FMNL1: variants seen among roughly 807,000 people sequenced by gnomAD.
FMNL1 encodes formin-like protein 1.
In FMNL1, 43 loss-of-function variants were observed where a neutral mutation model predicts 121.3. The observed-to-expected ratio is 0.35, with a 90% CI of 0.28 to 0.46. FMNL1 has a LOEUF of 0.46. Ranked by LOEUF, FMNL1 falls within the 20% of genes least tolerant of loss-of-function variation. The pLI is 1.00. For missense variants in FMNL1, 1,191 were observed against 1,482.4 expected, an observed-to-expected ratio of 0.80 and a Z score of 3.23; for synonymous variants, 613 against 613.5, an observed-to-expected ratio of 1.00 and a Z score of 0.01.
At chr17:45,229,396 T>C (rs9893052) in intron 1 of FMNL1, among the ~76,000 whole-genome samples, 50,989 of 151,832 alleles carry the variant, frequency 0.34, 10,260 homozygotes, top group African/African-American at 0.54. Flanking sequence ...GGCTGGGGAG[T>C]CTCAGGTGGG....
At chr17:45,246,771 T>A (rs2043847461) in intron 26 of FMNL1, 96 bp from the exon 27 acceptor site, 1 of 732,014 alleles carries the variant, frequency 1.4e-6, no homozygotes, top group South Asian at 1.6e-5. Flanking sequence ...GTGCACACAA[T>A]CTGAGTCCTT....
Position 45,233,563 on chromosome 17 carries a change from C to T in FMNL1, c.402-85C>T. On this transcript the variant is annotated intron_variant, in intron 4 of 26. Coordinates refer to ENST00000331495, the MANE Select transcript of FMNL1 (RefSeq NM_005892.4). This position sits in a 1 kb window ranked among gnomAD's most constrained non-coding sequence, Gnocchi z 4.1. ...GTCTTTGGGGGTTGAAAGGGCACCCCAGGGGTCCTTGCTGTCCCTGTTCTG... is the reference window on the plus strand; with the variant it reads ...GTCTTTGGGGGTTGAAAGGGCACCCTAGGGGTCCTTGCTGTCCCTGTTCTG... 1 of 1,516,092 alleles carries T rather than the reference C, an allele frequency of 6.6e-7. No individual in the cohort carries two copies. The highest frequency in any genetic ancestry group is 9.1e-7 in the Non-Finnish European group (1 of 1,099,556). The allele number at this position is 1,516,092 out of a possible 1,614,324, so 93.9% of individuals were successfully genotyped here.
rs2043446465 is a variant in FMNL1, at chr17:45,231,922, C to T, written c.214-445C>T. 6.6e-6 allele frequency among the ~76,000 whole-genome samples: 1 copy of T among 152,172 alleles called. No individual in the cohort carries two copies. Among genetic ancestry groups the T allele is most frequent in the Admixed American group, 6.5e-5 (1 of 15,286 alleles). On this transcript the variant is annotated intron_variant, in intron 2 of 26. Transcript: ENST00000331495. This position sits in a 1 kb window ranked among gnomAD's most constrained non-coding sequence, Gnocchi z 4.7. ...GGGCGGGGCCTACGGCAGGACTGAC[C>T]CCTGCATAGTCCACCCCAAAGCTGT... is the stretch of plus-strand genomic sequence containing the variant.
In FMNL1 at chr17:45,246,543, C is replaced by T; in HGVS notation, c.3250C>T (p.Arg1084Trp). Residue 1084 changes from arginine to tryptophan, a missense_variant, in exon 26 of 27, where the codon CGG (arginine) becomes TGG (tryptophan). This residue lies in a region of FMNL1 where 367 missense variants were observed against 528.6 expected (regional missense o/e 0.69). Transcript: ENST00000331495. ...TVPFTARTGK[R>W]TSRLLCEASL... ...GCCCTTCACGGCCCGCACCGGCAAG[C>T]GGACATCCCGGCTCCTCTGTGAGGC... The T allele has an allele frequency of 1.9e-6, 3 of 1,613,740 alleles. No homozygotes were observed. The highest frequency in any genetic ancestry group is 2.5e-6 in the Non-Finnish European group (3 of 1,179,666).
At chr17:45,232,325 A>G (rs1219475928) in intron 2 of FMNL1, 42 bp from the exon 3 acceptor site, 1 of 1,573,386 alleles carries the variant, frequency 6.4e-7, no homozygotes, top group Admixed American at 1.7e-5. Flanking sequence ...GCCCTGGGGT[A>G]GCTCTGGCTG....
intron 1 of FMNL1, among the ~76,000 whole-genome samples, chr17:45,227,785 G>A (rs1376420642): frequency 1.3e-5 from 2 of 152,180 alleles, no homozygotes; most frequent in Non-Finnish European, 1.5e-5. Flanking sequence ...AGTGTTCCAG[G>A]AGCTCCGTGA....
In FMNL1 at chr17:45,241,273, C is replaced by A. The variant is rs771944386; in HGVS notation, c.1332+43C>A. 1.9e-6 allele frequency: 3 copies of A among 1,612,902 alleles called. No individual in the cohort carries two copies. The highest frequency in any genetic ancestry group is 2.5e-6 in the Non-Finnish European group (3 of 1,179,336). ...GGTAGGCCAGGCGCCCAAGAACAGG[C>A]CAGCTGAGGCTTCTAGGCTTGACAT... On this transcript the variant is annotated intron_variant, in intron 13 of 26. Coordinates refer to ENST00000331495, the MANE Select transcript of FMNL1 (RefSeq NM_005892.4). The surrounding 1 kb of genome is among the most constrained non-coding windows in gnomAD (Gnocchi z 7.0).
intron 1 of FMNL1, among the ~76,000 whole-genome samples, chr17:45,228,375 G>T (rs1057223385): frequency 1.3e-5 from 2 of 152,226 alleles, no homozygotes; most frequent in Admixed American, 1.3e-4. Context: ...AGGTGCTCCA[G>T]GCCCCAGCAG....
At chr17:45,235,125 A>G (rs977457227) in intron 6 of FMNL1, among the ~76,000 whole-genome samples, 1 of 152,250 alleles carries the variant, frequency 6.6e-6, no homozygotes, top group Non-Finnish European at 1.5e-5. Context: ...TCATGCAATT[A>G]TGCATTCAGC....
chr17:45,244,760 T>A, intron 19 of FMNL1, 59 bp from the exon 20 acceptor site: 1 of 1,539,992 alleles, frequency 6.5e-7, no homozygotes, highest in East Asian at 2.3e-5. Flanking sequence ...TTGTGCAATA[T>A]GCTTAAGCGG....
rs142908119 is a variant in FMNL1, at chr17:45,231,714, G to A, written c.214-653G>A. ...TGGGGGGATTAGGAATTGCATCACTGAGCACAGGAGAGGAGCACGCAGGTT... is the reference window on the plus strand; with the variant it reads ...TGGGGGGATTAGGAATTGCATCACTAAGCACAGGAGAGGAGCACGCAGGTT... On this transcript the variant is annotated intron_variant, in intron 2 of 26. Coordinates refer to ENST00000331495, the MANE Select transcript of FMNL1 (RefSeq NM_005892.4). The surrounding 1 kb of genome is among the most constrained non-coding windows in gnomAD (Gnocchi z 4.7). 8.6e-4 allele frequency among the ~76,000 whole-genome samples: 131 copies of A among 152,240 alleles called. No individual in the cohort carries two copies. Among genetic ancestry groups the A allele is most frequent in the Non-Finnish European group, 1.6e-3 (111 of 68,012 alleles).
chr17:45,224,843 C>T (rs936754048), intron 1 of FMNL1, among the ~76,000 whole-genome samples: 7 of 152,242 alleles, frequency 4.6e-5, no homozygotes, highest in Admixed American at 3.3e-4. Context: ...GATGGCTGCC[C>T]AGCCCCACGG....
At chr17:45,244,628 G>A (rs1235281867) in intron 19 of FMNL1, among the ~76,000 whole-genome samples, 191 bp from the exon 20 acceptor site, 1 of 152,224 alleles carries the variant, frequency 6.6e-6, no homozygotes, top group African/African-American at 2.4e-5. Context: ...GGTGTTAACC[G>A]TGCACATGTG....
chr17:45,240,726 A>G (rs2043669836), intron 12 of FMNL1, 101 bp downstream of exon 12: 2 of 1,450,178 alleles, frequency 1.4e-6, no homozygotes, highest in Non-Finnish European at 1.8e-6. Flanking sequence ...AGACAGTGTT[A>G]TAATTGTGCA....
chr17:45,234,095 A>G lies in FMNL1; in HGVS notation c.509A>G (p.Asn170Ser). The G allele has an allele frequency of 6.2e-7, 1 of 1,614,148 alleles. No individual in the cohort carries two copies. Among genetic ancestry groups the G allele is most frequent in the South Asian group, 1.1e-5 (1 of 91,086 alleles). ...SVTYDMESTD[N>S]GASNSEKNKP... is the part of the protein sequence containing the mutation. ...AGGTATGACATGGAGAGCACAGACA[A>G]CGGGGCTTCCAACTCAGAGAAAAAC... The change falls in exon 6 of 27, where the codon AAC (asparagine) becomes AGC (serine). Residue 170 changes from asparagine (N) to serine (S), a missense_variant. By Grantham distance (46) the Asn-to-Ser change is conservative. Coordinates refer to ENST00000331495, the MANE Select transcript of FMNL1 (RefSeq NM_005892.4).
chr17:45,232,494 C>T lies in FMNL1; in HGVS notation c.327+14C>T, dbSNP rs185568071. 8.7e-6 allele frequency: 14 copies of T among 1,611,118 alleles called. No individual in the cohort carries two copies. Among genetic ancestry groups the T allele is most frequent in the Admixed American group, 8.3e-5 (5 of 59,960 alleles). ...TCCAACCTGGGGGTACATGTCTCCC[C>T]TCTTTACTCTGTCCCTTTCCCCCAC... On this transcript the variant is annotated intron_variant, in intron 3 of 26. Coordinates refer to ENST00000331495, the MANE Select transcript of FMNL1 (RefSeq NM_005892.4).
intron 10 of FMNL1, 113 bp downstream of exon 10, chr17:45,238,751 C>A: frequency 7.3e-7 from 1 of 1,370,824 alleles, no homozygotes; most frequent in South Asian, 1.2e-5. Flanking sequence ...AGCGTAAGGA[C>A]TGAGTGGTCA....
At chr17:45,244,700 C>A in intron 19 of FMNL1, 119 bp from the exon 20 acceptor site, 1 of 1,016,008 alleles carries the variant, frequency 9.8e-7, no homozygotes, top group Non-Finnish European at 1.5e-6. Flanking sequence ...TGCAGGAGTA[C>A]AGTAGGGGCT....
At position 45,245,971 on chromosome 17, in the gene FMNL1, AAGGT is replaced by A; in HGVS notation, c.3090+2_3090+5del. ...GGGCAAAGGGGAGCCCCCAGCACCCAAGGTAGGCAACTGCTCCTGGGCTTGGTAC... is the reference window on the plus strand; with the variant it reads ...GGGCAAAGGGGAGCCCCCAGCACCCAAGGCAACTGCTCCTGGGCTTGGTAC... On this transcript the variant is annotated splice_donor_variant and coding_sequence_variant, in exon 24 of 27. Transcript: ENST00000331495. LOFTEE classifies it high-confidence loss of function. 1 of 1,554,920 alleles carries A rather than the reference AAGGT, an allele frequency of 6.4e-7. No homozygotes were observed.
Sources: allele counts gnomAD v4.1 joint callset (sites outside exome capture counted in the v4.1 genomes callset), GRCh38; gene constraint gnomAD v4.1.1; regional missense constraint gnomAD v4.1.1; non-coding constraint Gnocchi (gnomAD v3.1); transcripts MANE v1.5; gene names NCBI Gene and HGNC (gene_info 2026-07-23, HGNC 2026-07-21).